DPP6: variants seen among roughly 807,000 people sequenced by gnomAD.
DPP6 encodes dipeptidyl peptidase like 6.
In DPP6, 69 loss-of-function variants were observed where a neutral mutation model predicts 122.6. The observed-to-expected ratio is 0.56, with a 90% CI of 0.46 to 0.69. The LOEUF (loss-of-function observed/expected upper bound fraction) is 0.69. Ranked by LOEUF, DPP6 falls within the 30% of genes least tolerant of loss-of-function variation. The pLI is 0.00. For missense variants in DPP6, 928 were observed against 1,116.9 expected (o/e 0.83, Z 2.41); for synonymous variants, 418 against 433.1 (o/e 0.97, Z 0.43).
intron 1 of DPP6, among the ~76,000 whole-genome samples, chr7:154,298,481 T>A (rs1161475149): frequency 6.6e-6 from 1 of 152,184 alleles, no homozygotes; most frequent in African/African-American, 2.4e-5. Flanking sequence ...TTATTGCACC[T>A]CCACATTCTT....
At chr7:154,052,130 A>G (rs1800382107), upstream of DPP6, among the ~76,000 whole-genome samples, 1 of 150,592 alleles carries the variant, frequency 6.6e-6, no homozygotes, top group Admixed American at 6.6e-5. The surrounding 1 kb of genome is among the most constrained non-coding windows in gnomAD (Gnocchi z 4.8). Flanking sequence ...TCGCAGCACT[A>G]CCTTCGGTGG....
At chr7:154,848,208 A>G (rs7795868) in intron 16 of DPP6, among the ~76,000 whole-genome samples, 24,591 of 146,988 alleles carry the variant, frequency 0.17, 1,996 homozygotes, top group South Asian at 0.24. Flanking sequence ...GCTGAATCAT[A>G]GGGAAATTCT....
intron 16 of DPP6, among the ~76,000 whole-genome samples, chr7:154,822,651 C>T (rs1213785661): frequency 6.6e-6 from 1 of 152,174 alleles, no homozygotes; most frequent in East Asian, 1.9e-4. Context: ...GGACCAAAGC[C>T]AGTGACAGTG....
intron 1 of DPP6, among the ~76,000 whole-genome samples, chr7:153,897,851 T>C (rs12665895): frequency 0.19 from 28,967 of 152,150 alleles, 2,858 homozygotes; most frequent in Middle Eastern, 0.26. Context: ...GCACAAGTGT[T>C]CCCCTTTCTC....
chr7:154,302,039 G>A (rs920510760), intron 1 of DPP6, among the ~76,000 whole-genome samples: 4 of 151,436 alleles, frequency 2.6e-5, no homozygotes, highest in African/African-American at 9.7e-5. Flanking sequence ...GGATGGTCTC[G>A]ATCTCCTGAC....
intron 1 of DPP6, among the ~76,000 whole-genome samples, chr7:154,266,344 G>T (rs905136372): frequency 6.6e-6 from 1 of 152,150 alleles, no homozygotes; most frequent in Non-Finnish European, 1.5e-5. Flanking sequence ...TCTGGCGCAG[G>T]CTTTGAAAGA....
chr7:154,212,994 T>A (rs1799818295), intron 1 of DPP6, among the ~76,000 whole-genome samples: 2 of 152,202 alleles, frequency 1.3e-5, no homozygotes, highest in Admixed American at 1.3e-4. Context: ...ACAAGGGCAT[T>A]GGAGCACACC....
At chr7:153,900,647 C>A (rs560365557) in intron 1 of DPP6, among the ~76,000 whole-genome samples, 2 of 152,110 alleles carry the variant, frequency 1.3e-5, no homozygotes, top group African/African-American at 4.8e-5. Flanking sequence ...ATTCATGAGG[C>A]GTCTGCCTCC....
chr7:154,127,535 T>G (rs919711432), intron 1 of DPP6, among the ~76,000 whole-genome samples: 2 of 151,906 alleles, frequency 1.3e-5, no homozygotes, highest in Non-Finnish European at 2.9e-5. Flanking sequence ...AGGACTGCTA[T>G]CTGCTGTTGC....
chr7:154,623,651 A>ACGCACACACGCG (rs55655116), intron 5 of DPP6, among the ~76,000 whole-genome samples: 2 of 144,672 alleles, frequency 1.4e-5, no homozygotes, highest in South Asian at 2.1e-4. Flanking sequence ...ACGCGCACAC[A>ACGCACACACGCG]CGCGCACACA....
intron 1 of DPP6, among the ~76,000 whole-genome samples, chr7:154,087,772 CAAAG>C (rs1384667399): frequency 1.3e-5 from 2 of 152,108 alleles, no homozygotes; most frequent in Non-Finnish European, 2.9e-5. Context: ...GGGTGGTACT[CAAAG>C]AAACTCACAG....
At chr7:153,990,166 T>A (rs1160633659) in intron 1 of DPP6, among the ~76,000 whole-genome samples, 1 of 33,292 alleles carries the variant, frequency 3.0e-5, no homozygotes, top group African/African-American at 7.3e-5. Context: ...GTTTTGCCCC[T>A]TGCCAGCTGG....
chr7:154,060,720 G>GC (rs1801688506), intron 1 of DPP6, among the ~76,000 whole-genome samples: 4 of 113,372 alleles, frequency 3.5e-5, no homozygotes, highest in East Asian at 2.7e-4. Context: ...ATCGCAGGGG[G>GC]GGAGGCACCC....
At chr7:154,719,928 A>G (rs914371568) in intron 7 of DPP6, among the ~76,000 whole-genome samples, 5 of 152,166 alleles carry the variant, frequency 3.3e-5, no homozygotes, top group Non-Finnish European at 7.3e-5. Flanking sequence ...CAGGGACCAG[A>G]CTGGAGAGCA....
At chr7:154,051,915 C>G (rs1800353675), upstream of DPP6, among the ~76,000 whole-genome samples, 1 of 151,866 alleles carries the variant, frequency 6.6e-6, no homozygotes, top group Middle Eastern at 3.4e-3. Context: ...CTCCCACGCC[C>G]CATTCGCACC....
chr7:154,634,838 A>G (rs1018082889), intron 5 of DPP6, among the ~76,000 whole-genome samples: 1 of 152,192 alleles, frequency 6.6e-6, no homozygotes, highest in African/African-American at 2.4e-5. Flanking sequence ...TGGTATATTC[A>G]AAGATGAATG....
At chr7:153,931,870 G>A (rs1048888052) in intron 1 of DPP6, among the ~76,000 whole-genome samples, 2 of 152,066 alleles carry the variant, frequency 1.3e-5, no homozygotes, top group African/African-American at 2.4e-5. Context: ...AATTTGCATC[G>A]CCTGATCAGC....
intron 1 of DPP6, chr7:154,055,467 A>G (rs1175592885): frequency 6.6e-6 from 1 of 150,556 alleles, no homozygotes; most frequent in African/African-American, 2.4e-5. Context: ...CAAAAACAAA[A>G]AAAGAGATTA....
rs188815357 is a variant in DPP6, at chr7:154,489,204, C to G, written c.457+14167C>G. Among the ~76,000 whole-genome samples, 8 of 152,252 alleles carry G rather than the reference C, an allele frequency of 5.3e-5. No individual in the cohort carries two copies. The East Asian group carries it at 1.5e-3, about 29-fold the overall frequency. On this transcript the variant is annotated intron_variant, in intron 3 of 25. Coordinates refer to ENST00000377770, the MANE Select transcript of DPP6 (RefSeq NM_130797.4). The stretch of plus-strand genomic sequence containing the variant: ...CTATCACAGAACTTTTCCGTAGCCC[C>G]CATTGCCCTAAACTGTTGCCAATAA...
Sources: gnomAD v4.1 joint callset for allele counts (sites outside exome capture counted in the v4.1 genomes callset) on GRCh38, gnomAD v4.1.1 for gene constraint, Gnocchi (gnomAD v3.1) non-coding constraint, MANE v1.5 for transcripts, NCBI Gene and HGNC (gene_info 2026-07-23, HGNC 2026-07-21) for gene names.